PDE4D: variants seen among roughly 807,000 people sequenced by gnomAD.
PDE4D encodes the protein phosphodiesterase 4D, also known as 3',5'-cyclic-AMP phosphodiesterase 4D.
In PDE4D, 24 loss-of-function variants were observed where a neutral mutation model predicts 87.4. That is an observed-to-expected ratio of 0.27 (90% CI 0.20 to 0.39). The LOEUF is 0.39. Ranked by LOEUF, PDE4D falls within the 10% of genes least tolerant of loss-of-function variation. The pLI, the probability that PDE4D is intolerant of heterozygous loss-of-function variation, is 1.00. For missense variants in PDE4D, 714 were observed against 1,041.0 expected (o/e 0.69, Z 4.32); for synonymous variants, 384 against 383.2 (o/e 1.00, Z -0.02).
intron 1 of PDE4D, among the ~76,000 whole-genome samples, chr5:59,755,458 A>T (rs1307324439): frequency 6.6e-6 from 1 of 152,206 alleles, no homozygotes; most frequent in Admixed American, 6.5e-5. Flanking sequence ...AATGGCCCAC[A>T]GTTGCACCTA....
intron 1 of PDE4D, among the ~76,000 whole-genome samples, chr5:59,784,368 A>G (rs1201904899): frequency 1.3e-5 from 2 of 152,314 alleles, no homozygotes; most frequent in African/African-American, 4.8e-5. Flanking sequence ...CTAAATAGGC[A>G]GAATGGGTTC....
intron 1 of PDE4D, among the ~76,000 whole-genome samples, chr5:59,854,445 C>T (rs1174434581): frequency 6.6e-6 from 1 of 151,686 alleles, no homozygotes; most frequent in Non-Finnish European, 1.5e-5. Context: ...TATCTTCATT[C>T]CTTTTCAAGT....
chr5:59,465,576 G>A (rs963749499), intron 1 of PDE4D, among the ~76,000 whole-genome samples: 2 of 151,958 alleles, frequency 1.3e-5, no homozygotes, highest in Non-Finnish European at 2.9e-5. Context: ...ATTAAAGTTG[G>A]AGTTGTCTGT....
chr5:59,605,342 TTTC>T (rs143149846), intron 1 of PDE4D, among the ~76,000 whole-genome samples: 6,394 of 152,204 alleles, frequency 0.042, 180 homozygotes, highest in African/African-American at 0.082. Flanking sequence ...AATATAAGTA[TTTC>T]TTATTTGTAT....
chr5:59,893,501 T>C lies in PDE4D; in HGVS notation c.122A>G (p.Tyr41Cys). The C allele has an allele frequency of 6.5e-7, 1 of 1,540,342 alleles. No individual in the cohort carries two copies. The highest frequency in any genetic ancestry group is 8.8e-7 in the Non-Finnish European group (1 of 1,142,522). ...HLWRHEQHHQ[Y>C]PLRQPQFRLL... ...GCGGAACTGGGGCTGCCGGAGCGGG[T>C]ACTGGTGGTGCTGCTCGTGCCTCCA... Residue 41 changes from tyrosine (Y) to cysteine (C), a missense_variant, in exon 1 of 15, where the codon TAC becomes TGC. Physicochemically the swap from Tyr to Cys is radical, Grantham distance 194. Coordinates refer to ENST00000340635, the MANE Select transcript of PDE4D (RefSeq NM_001104631.2).
intron 1 of PDE4D, among the ~76,000 whole-genome samples, chr5:60,376,485 C>T (rs560971111): frequency 1.6e-4 from 25 of 152,280 alleles, no homozygotes; most frequent in African/African-American, 5.8e-4. Flanking sequence ...GTCTCCAGGC[C>T]TCCTAACGCA....
intron 1 of PDE4D, among the ~76,000 whole-genome samples, chr5:59,881,112 A>T (rs371015530): frequency 1.3e-5 from 2 of 152,284 alleles, no homozygotes; most frequent in East Asian, 1.9e-4. Context: ...TGAATTGGCA[A>T]TTATTTTCTC....
At chr5:59,865,399 C>A (rs1746865915) in intron 1 of PDE4D, among the ~76,000 whole-genome samples, 1 of 152,076 alleles carries the variant, frequency 6.6e-6, no homozygotes, top group South Asian at 2.1e-4. Context: ...GATTAAATCC[C>A]AGTTGAGCTA....
At chr5:60,483,011 T>A (rs935088449) in intron 1 of PDE4D, among the ~76,000 whole-genome samples, 16 of 152,244 alleles carry the variant, frequency 1.1e-4, no homozygotes, top group African/African-American at 3.9e-4. Flanking sequence ...TTCCAGGTAC[T>A]CTAGGTTCCT....
intron 1 of PDE4D, among the ~76,000 whole-genome samples, chr5:60,485,219 C>T (rs1377725073): frequency 6.6e-6 from 1 of 152,100 alleles, no homozygotes; most frequent in Non-Finnish European, 1.5e-5. Context: ...ACATTTGTTT[C>T]ATTCGTTTTG....
intron 1 of PDE4D, among the ~76,000 whole-genome samples, chr5:59,823,607 TAGAG>T (rs1482365177): frequency 6.6e-6 from 1 of 152,080 alleles, no homozygotes; most frequent in African/African-American, 2.4e-5. Flanking sequence ...ATGAAACAGA[TAGAG>T]AGGTCTTTCT....
chr5:59,291,181 A>T (rs1767940301), intron 1 of PDE4D, among the ~76,000 whole-genome samples: 1 of 152,152 alleles, frequency 6.6e-6, no homozygotes, highest in African/African-American at 2.4e-5. Flanking sequence ...GAAGCAATCT[A>T]AATTTCTATC....
chr5:59,581,882 A>G (rs1824225056), intron 1 of PDE4D, among the ~76,000 whole-genome samples: 1 of 152,164 alleles, frequency 6.6e-6, no homozygotes, highest in Non-Finnish European at 1.5e-5. Flanking sequence ...CATATAATGG[A>G]AAATCTTTGC....
intron 3 of PDE4D, among the ~76,000 whole-genome samples, chr5:59,904,584 G>A (rs1036176417): frequency 2.6e-5 from 4 of 152,246 alleles, no homozygotes; most frequent in Non-Finnish European, 2.9e-5. Flanking sequence ...TTCCTCAAGT[G>A]ATAACAAATG....
chr5:59,094,737 A>G (rs1365470895), intron 5 of PDE4D, among the ~76,000 whole-genome samples: 2 of 152,210 alleles, frequency 1.3e-5, no homozygotes, highest in Non-Finnish European at 2.9e-5. Flanking sequence ...ATTGCAGTTA[A>G]TCCATGCCTG....
At chr5:59,345,619 TAA>T (rs1779490789) in intron 1 of PDE4D, among the ~76,000 whole-genome samples, 1 of 152,162 alleles carries the variant, frequency 6.6e-6, no homozygotes, top group African/African-American at 2.4e-5. Context: ...TCCTAAAGAT[TAA>T]AAGACTCAAC....
chr5:59,979,301 T>C (rs1321989727), intron 3 of PDE4D, among the ~76,000 whole-genome samples: 2 of 151,646 alleles, frequency 1.3e-5, no homozygotes, highest in African/African-American at 2.4e-5. Context: ...TAAAGAAGTA[T>C]AGTATTTATG....
At chr5:59,300,991 T>C (rs1401364603) in intron 1 of PDE4D, among the ~76,000 whole-genome samples, 1 of 152,156 alleles carries the variant, frequency 6.6e-6, no homozygotes, top group Non-Finnish European at 1.5e-5. Flanking sequence ...GAGATGCATA[T>C]AGGGTGAGGT....
At chr5:59,802,807 C>G (rs1767301627) in intron 1 of PDE4D, among the ~76,000 whole-genome samples, 1 of 152,050 alleles carries the variant, frequency 6.6e-6, no homozygotes, top group Non-Finnish European at 1.5e-5. Context: ...ATCAATGGGC[C>G]AGCAGAGAAT....
Sources: allele counts gnomAD v4.1 joint callset (sites outside exome capture counted in the v4.1 genomes callset), GRCh38; gene constraint gnomAD v4.1.1; transcripts MANE v1.5; gene names NCBI Gene and HGNC (gene_info 2026-07-23, HGNC 2026-07-21).